BPTF: variants seen among roughly 807,000 people sequenced by gnomAD.
BPTF encodes the protein nucleosome-remodeling factor subunit BPTF.
In BPTF, 18 loss-of-function variants were observed where a neutral mutation model predicts 292.5. The ratio of observed to expected loss-of-function variants is 0.06; its 90% CI spans 0.04 to 0.09. BPTF has a LOEUF of 0.09. Among genes scored for constraint, BPTF ranks in the 10% least tolerant of loss-of-function variants. The pLI is 1.00. For missense variants in BPTF, 2,726 were observed against 3,498.7 expected (o/e 0.78, Z 5.57); for synonymous variants, 1,225 against 1,251.9 (o/e 0.98, Z 0.45).
At position 67,915,738 on chromosome 17, in the gene BPTF, C is replaced by A. The variant is rs536200843; in HGVS notation, c.5303+2551C>A. On this transcript the variant is annotated intron_variant, in intron 11 of 27. Transcript: ENST00000306378. ...CCAGCAAAGCTCTGATCCTCATTCC[C>A]GAGCCAACTCAGATGTCCCTCCCTT... is the stretch of plus-strand genomic sequence containing the variant. Among the ~76,000 whole-genome samples the A allele has an allele frequency of 3.9e-5, 6 of 151,966 alleles. No individual in the cohort carries two copies. The South Asian group carries it at 1.2e-3, about 31-fold the overall frequency.
At chr17:67,951,737 C>G (rs1445215403) in intron 23 of BPTF, 1 of 151,938 alleles carries the variant, frequency 6.6e-6, no homozygotes, top group Non-Finnish European at 1.5e-5. Context: ...CAGAAACAAT[C>G]TAACGAGGAA....
chr17:67,867,439 T>G (rs1008154760), intron 3 of BPTF, among the ~76,000 whole-genome samples: 24 of 152,256 alleles, frequency 1.6e-4, no homozygotes, highest in African/African-American at 5.8e-4. Flanking sequence ...GCCCCTGTTA[T>G]TAAAGTCTTA....
At chr17:67,916,638 C>T (rs932177926) in intron 11 of BPTF, among the ~76,000 whole-genome samples, 2 of 151,712 alleles carry the variant, frequency 1.3e-5, no homozygotes, top group African/African-American at 2.4e-5. Context: ...TTTGGGCGGG[C>T]GCCTGTAATC....
chr17:67,895,832 A>G (rs527839788), intron 7 of BPTF, among the ~76,000 whole-genome samples: 19 of 152,266 alleles, frequency 1.2e-4, no homozygotes, highest in Admixed American at 2.6e-4. Context: ...TAAAAATGCA[A>G]TTCGACTCCT....
chr17:67,891,822 T>C, intron 4 of BPTF, 22 bp from the exon 5 acceptor site: 1 of 1,539,672 alleles, frequency 6.5e-7, no homozygotes, highest in African/African-American at 1.4e-5. Context: ...AGCAATTGCT[T>C]TGTGGCCTAT....
In BPTF at chr17:67,943,906, C is replaced by G. The variant is rs187356050; in HGVS notation, c.6478-244C>G. On this transcript the variant is annotated intron_variant, in intron 19 of 27. Transcript: ENST00000306378. ...ACTTGGATCTGGAGGAACAGTGTTG[C>G]TTGTGGACAGATAACTGGCTGACCA... 5.0e-4 allele frequency among the ~76,000 whole-genome samples: 76 copies of G among 152,194 alleles called. 1 individual carries two copies. The East Asian group carries it at 0.01, about 21-fold the overall frequency.
intron 1 of BPTF, among the ~76,000 whole-genome samples, chr17:67,844,060 C>CA (rs1254113073): frequency 7.3e-6 from 1 of 137,422 alleles, no homozygotes; most frequent in African/African-American, 3.2e-5. Context: ...CCACCGTGCC[C>CA]GGCCCCCGCC....
intron 1 of BPTF, among the ~76,000 whole-genome samples, chr17:67,828,853 C>T (rs1466766736): frequency 1.3e-5 from 2 of 152,194 alleles, no homozygotes; most frequent in Admixed American, 1.3e-4. Flanking sequence ...CTTAATGACA[C>T]TTGTGTCTAC....
At chr17:67,847,399 A>G (rs2058097390) in intron 1 of BPTF, among the ~76,000 whole-genome samples, 1 of 152,078 alleles carries the variant, frequency 6.6e-6, no homozygotes, top group African/African-American at 2.4e-5. Flanking sequence ...CTGTAATTCC[A>G]GCTACTCGGG....
At chr17:67,944,809 A>G (rs1413078524) in intron 20 of BPTF, among the ~76,000 whole-genome samples, 1 of 152,124 alleles carries the variant, frequency 6.6e-6, no homozygotes, top group Non-Finnish European at 1.5e-5. Flanking sequence ...TCATGGGAGA[A>G]AAGTGAAGCG....
At chr17:67,895,663 A>G (rs114859785) in intron 7 of BPTF, among the ~76,000 whole-genome samples, 206 of 151,992 alleles carry the variant, frequency 1.4e-3, no homozygotes, top group African/African-American at 4.8e-3. Context: ...GGGTCTCATT[A>G]TGTTGCCCAG....
chr17:67,922,722 C>A, intron 13 of BPTF, 118 bp from the exon 14 acceptor site: 1 of 1,102,330 alleles, frequency 9.1e-7, no homozygotes, highest in Non-Finnish European at 1.3e-6. Context: ...GTAGCTGCAG[C>A]AGAGACCATC....
chr17:67,940,184 G>T (rs1435958930), intron 18 of BPTF, among the ~76,000 whole-genome samples: 1 of 152,102 alleles, frequency 6.6e-6, no homozygotes, highest in Non-Finnish European at 1.5e-5. Flanking sequence ...TTTATAGGAA[G>T]AATTTTAATT....
rs2062057099 is a variant in BPTF at position 67,904,609 on chromosome 17, T to C, written c.2674-93T>C. 14 of 1,013,684 alleles carry C rather than the reference T, an allele frequency of 1.4e-5. No individual in the cohort carries two copies. In the East Asian group the frequency reaches 3.8e-4, roughly 27 times the overall value. The allele number at this position is 1,013,684 out of a possible 1,614,324, so 62.8% of individuals were successfully genotyped here. ...TTAGTAAATTTCATTTGCCTGACTT[T>C]GAAACTTGTTTGGTAAAAATGCATA... On this transcript the variant is annotated intron_variant, in intron 8 of 27. Coordinates refer to ENST00000306378, the MANE Select transcript of BPTF (RefSeq NM_182641.4).
At position 67,912,276 on chromosome 17, in the gene BPTF, A is replaced by C. The variant is rs748556608; in HGVS notation, c.4392A>C (p.Pro1464=). 6.2e-7 allele frequency: 1 copy of C among 1,613,712 alleles called. No homozygotes were observed. The highest frequency in any genetic ancestry group is 8.5e-7 in the Non-Finnish European group (1 of 1,179,732). ...SLTVKESAIR[P]FINGDVIMED... ...CTGTTAAAGAATCTGCTATAAGGCC[A>C]TTCATTAATGGTGATGTCATCATGG... The change falls in exon 11 of 28, where the codon CCA becomes CCC. Residue 1464 remains proline (P), a synonymous_variant. Transcript: ENST00000306378.
chr17:67,864,700 C>T (rs1410036369), intron 2 of BPTF, among the ~76,000 whole-genome samples: 3 of 152,066 alleles, frequency 2.0e-5, no homozygotes, highest in Admixed American at 2.0e-4. Flanking sequence ...TCAGTGAATA[C>T]GGTATAGGTT....
intron 3 of BPTF, among the ~76,000 whole-genome samples, chr17:67,872,455 T>C (rs2059800988): frequency 6.6e-6 from 1 of 152,186 alleles, no homozygotes; most frequent in Non-Finnish European, 1.5e-5. Flanking sequence ...GGCTCACACC[T>C]GTAATCCTAG....
At chr17:67,842,344 C>G (rs2057622352) in intron 1 of BPTF, among the ~76,000 whole-genome samples, 1 of 152,156 alleles carries the variant, frequency 6.6e-6, no homozygotes, top group Non-Finnish European at 1.5e-5. Flanking sequence ...ATTTCCTTGA[C>G]CAGTTACTCC....
chr17:67,913,312 A>T, intron 11 of BPTF, 125 bp downstream of exon 11: 1 of 1,401,718 alleles, frequency 7.1e-7, no homozygotes, highest in Non-Finnish European at 9.4e-7. Flanking sequence ...ATGGCCAAAG[A>T]TAGTAATGGA....
Sources: allele counts gnomAD v4.1 joint callset (sites outside exome capture counted in the v4.1 genomes callset), GRCh38; gene constraint gnomAD v4.1.1; transcripts MANE v1.5; gene names NCBI Gene and HGNC (gene_info 2026-07-23, HGNC 2026-07-21).